PRTG: variants seen among roughly 807,000 people sequenced by gnomAD.
PRTG encodes the protein immunoglobulin superfamily, DCC subclass, member 5.
Under a neutral mutation model 122.5 loss-of-function variants are expected in PRTG, and 67 were observed. The observed-to-expected ratio is 0.55, with a 90% CI of 0.45 to 0.67. The LOEUF (loss-of-function observed/expected upper bound fraction) is 0.67. Among genes scored for constraint, PRTG ranks in the 30% least tolerant of loss-of-function variants. The pLI is 0.00. For synonymous variants in PRTG, 554 were observed against 501.1 expected (o/e 1.11, Z -1.41); for missense variants, 1,435 against 1,415.4 (o/e 1.01, Z -0.22).
chr15:55,682,509 G>C lies in PRTG; in HGVS notation c.543-12C>G, dbSNP rs771308067. 2.1e-5 allele frequency: 30 copies of C among 1,405,036 alleles called. No homozygotes were observed. The highest frequency in any genetic ancestry group is 4.4e-5 in the African/African-American group (3 of 68,274). The allele number at this position is 1,405,036 out of a possible 1,614,324, so 87.0% of individuals were successfully genotyped here. A position where few individuals can be genotyped will look rare whatever the true frequency, so the allele number is the denominator to read the frequency against. ...GTAGGGCAGTTATCCTGTTATGAGA[G>C]AAAGATAATTAAACTTTTTGTAGTA... is the stretch of plus-strand genomic sequence containing the variant. On this transcript the variant is annotated splice_polypyrimidine_tract_variant and intron_variant, in intron 3 of 19. Transcript: ENST00000389286.
intron 2 of PRTG, among the ~76,000 whole-genome samples, chr15:55,692,366 G>A (rs576424131): frequency 1.1e-4 from 16 of 152,248 alleles, no homozygotes; most frequent in African/African-American, 2.6e-4. Context: ...AAGAGAGGGC[G>A]CACAAAAGAG....
chr15:55,639,217 T>C (rs1344848984), intron 13 of PRTG, among the ~76,000 whole-genome samples: 1 of 152,164 alleles, frequency 6.6e-6, no homozygotes, highest in Non-Finnish European at 1.5e-5. Flanking sequence ...TAAGCAATCC[T>C]ACCACCTCAG....
At chr15:55,637,371 TA>T in intron 14 of PRTG, 31 bp from the exon 15 acceptor site, 1 of 1,521,614 alleles carries the variant, frequency 6.6e-7, no homozygotes. Context: ...ATTGTATTAA[TA>T]TAGTAAAATG....
chr15:55,675,010 A>G (rs1237398249), intron 9 of PRTG, among the ~76,000 whole-genome samples: 1 of 152,098 alleles, frequency 6.6e-6, no homozygotes, highest in Non-Finnish European at 1.5e-5. Flanking sequence ...TCACAACTCA[A>G]TTTTCAACCC....
intron 2 of PRTG, among the ~76,000 whole-genome samples, chr15:55,706,014 ATTTTTTTTTT>A (rs56275705): frequency 1.1e-5 from 1 of 94,362 alleles, no homozygotes; most frequent in African/African-American, 4.5e-5. Context: ...TGCCCAGCTA[ATTTTTTTTTT>A]TTTTTTTTTG....
chr15:55,722,026 C>T (rs918912696), intron 2 of PRTG, among the ~76,000 whole-genome samples: 4 of 152,108 alleles, frequency 2.6e-5, no homozygotes, highest in African/African-American at 9.7e-5. Flanking sequence ...GCCCCTTCCC[C>T]CAGACTTGGA....
chr15:55,709,145 C>CAAAA (rs3985769), intron 2 of PRTG, among the ~76,000 whole-genome samples: 14 of 51,842 alleles, frequency 2.7e-4, no homozygotes, highest in African/African-American at 8.8e-4. Context: ...GACTCTGTCT[C>CAAAA]AAAAAAAAAA....
At chr15:55,682,562 T>TTATTTATTTATG (rs2059546420) in intron 3 of PRTG, 65 bp from the exon 4 acceptor site, 1 of 647,426 alleles carries the variant, frequency 1.5e-6, no homozygotes, top group Non-Finnish European at 2.1e-6. Flanking sequence ...ATTTATTTAT[T>TTATTTATTTATG]TATTTATTTA....
At chr15:55,635,831 C>T (rs959506066) in intron 15 of PRTG, among the ~76,000 whole-genome samples, 1 of 151,966 alleles carries the variant, frequency 6.6e-6, no homozygotes, top group Non-Finnish European at 1.5e-5. Context: ...GTGGGAGTGC[C>T]TAGTACTGTA....
At chr15:55,688,558 C>T (rs1051393951) in intron 2 of PRTG, among the ~76,000 whole-genome samples, 8 of 152,090 alleles carry the variant, frequency 5.3e-5, no homozygotes, top group African/African-American at 1.9e-4. Context: ...CACTCCAGGC[C>T]GCCGCAGTGG....
In PRTG at chr15:55,740,687, A is replaced by G. The variant is rs2031581741; in HGVS notation, c.95-3T>C. 4.4e-6 allele frequency: 7 copies of G among 1,595,100 alleles called. No individual in the cohort carries two copies. Among genetic ancestry groups the G allele is most frequent in the Non-Finnish European group, 6.0e-6 (7 of 1,172,842 alleles). On this transcript the variant is annotated splice_region_variant and splice_polypyrimidine_tract_variant and intron_variant, in intron 1 of 19. Transcript: ENST00000389286. ...CAGTTCGCTAAAGCACCACACTCCT[A>G]TAAGGAAAAAAAAGGAGAACGGCAC...
intron 2 of PRTG, among the ~76,000 whole-genome samples, chr15:55,727,325 T>C (rs2031069985): frequency 6.6e-6 from 1 of 151,838 alleles, no homozygotes; most frequent in African/African-American, 2.4e-5. Flanking sequence ...CATGAAATTT[T>C]TACTACTGAC....
Position 55,742,905 on chromosome 15 carries a change from G to A in PRTG, c.27C>T (p.Ala9=). ...GCAGCATCCCCGGCGGTCGCAGCCG[G>A]GCGAGGGGTCGCAGAGGAGGCGCCA... MAPPLRPL[A]RLRPPGMLLR... Residue 9 remains alanine, a synonymous_variant, in exon 1 of 20, where the codon GCC becomes GCT. Transcript: ENST00000389286. The A allele has an allele frequency of 6.5e-7, 1 of 1,529,012 alleles. No homozygotes were observed. 94.7% of individuals were successfully genotyped at this position (1,529,012 alleles called of 1,614,324 possible).
At chr15:55,634,347 C>T (rs1264723676) in intron 15 of PRTG, among the ~76,000 whole-genome samples, 1 of 152,010 alleles carries the variant, frequency 6.6e-6, no homozygotes, top group African/African-American at 2.4e-5. Flanking sequence ...GGATTACAGG[C>T]GTGAGCCACT....
In PRTG at chr15:55,638,506, ATT is replaced by A. The variant is rs746280118; in HGVS notation, c.2452+41_2452+42del. The A allele has an allele frequency of 1.6e-5, 24 of 1,487,828 alleles. No homozygotes were observed. In the Admixed American group the frequency reaches 3.7e-4, roughly 23 times the overall value. The allele number at this position is 1,487,828 out of a possible 1,614,324, so 92.2% of individuals were successfully genotyped here. A position where few individuals can be genotyped will look rare whatever the true frequency, so the allele number is the denominator to read the frequency against. On this transcript the variant is annotated intron_variant, in intron 14 of 19. Transcript: ENST00000389286. Reference sequence around the variant, plus strand: ...TACATATTTTTAAAACATTTCCTTAATTTTTTTTAAAGATAAAATCTATAGGG... The same window carrying A: ...TACATATTTTTAAAACATTTCCTTAATTTTTTAAAGATAAAATCTATAGGG...
At chr15:55,740,909 T>C (rs574484148) in intron 1 of PRTG, among the ~76,000 whole-genome samples, 12 of 152,334 alleles carry the variant, frequency 7.9e-5, no homozygotes, top group Admixed American at 7.2e-4. Context: ...ATAGGGAAGA[T>C]TTCAATAACT....
chr15:55,711,545 C>G (rs1473862364), intron 2 of PRTG, among the ~76,000 whole-genome samples: 1 of 152,118 alleles, frequency 6.6e-6, no homozygotes, highest in Non-Finnish European at 1.5e-5. Flanking sequence ...GCCACCCACT[C>G]TCCTGGAACT....
rs982368619 is a variant in PRTG at position 55,615,389 on chromosome 15, A to C, written c.*4623T>G. On this transcript the variant is annotated 3_prime_UTR_variant, in exon 20 of 20. Coordinates refer to ENST00000389286, the MANE Select transcript of PRTG (RefSeq NM_173814.6). ...AATACAAGACTGTCATGTTAATCTT[A>C]AACACCATCAACGGCTTAAAAAGGG... 1 of 152,134 alleles carries C rather than the reference A, an allele frequency of 6.6e-6. No homozygotes were observed. Among genetic ancestry groups the C allele is most frequent in the Admixed American group, 6.6e-5 (1 of 15,256 alleles). The allele number at this position is 152,134 out of a possible 1,614,324, so 9.4% of individuals were successfully genotyped here. A position where few individuals can be genotyped will look rare whatever the true frequency, so the allele number is the denominator to read the frequency against.
chr15:55,700,821 A>G (rs1567106110), intron 2 of PRTG, among the ~76,000 whole-genome samples: 1 of 152,154 alleles, frequency 6.6e-6, no homozygotes, highest in Non-Finnish European at 1.5e-5. Context: ...AAATACTGTT[A>G]AGAGAATGAA....
Sources: allele counts gnomAD v4.1 joint callset (sites outside exome capture counted in the v4.1 genomes callset), GRCh38; gene constraint gnomAD v4.1.1; transcripts MANE v1.5; gene names NCBI Gene and HGNC (gene_info 2026-07-23, HGNC 2026-07-21).